Variants in ARB2A observed in about 807,000 individuals in gnomAD.
The protein encoded by ARB2A is ARB2 cotranscriptional regulator A, also known as cotranscriptional regulator ARB2A.
the ARB2A span, among the ~76,000 whole-genome samples, chr5:94,049,657 A>C: frequency 6.6e-6 from 1 of 151,634 alleles, no homozygotes; most frequent in Non-Finnish European, 1.5e-5. Flanking sequence ...ATCTCTACTA[A>C]AAGTACAAAA....
chr5:93,850,623 G>A, the ARB2A span, among the ~76,000 whole-genome samples: 1 of 152,124 alleles, frequency 6.6e-6, no homozygotes, highest in African/African-American at 2.4e-5. Context: ...ACATTACAGG[G>A]ATGTAATGGT....
At chr5:93,699,332 A>C in the ARB2A span, among the ~76,000 whole-genome samples, 1 of 152,222 alleles carries the variant, frequency 6.6e-6, no homozygotes, top group Non-Finnish European at 1.5e-5. Context: ...GGTACAGACT[A>C]TCTGAATAGT....
the ARB2A span, among the ~76,000 whole-genome samples, chr5:93,837,491 A>G: frequency 2.2e-3 from 339 of 152,250 alleles, no homozygotes; most frequent in African/African-American, 7.8e-3. Flanking sequence ...GGAATATAAT[A>G]CATTCCACCA....
the ARB2A span, among the ~76,000 whole-genome samples, chr5:93,895,133 A>G: frequency 1.3e-5 from 2 of 152,182 alleles, no homozygotes; most frequent in Non-Finnish European, 2.9e-5. Flanking sequence ...AAGAGCCTCA[A>G]GCAGTTGTCT....
the ARB2A span, among the ~76,000 whole-genome samples, chr5:93,765,994 G>C: frequency 6.6e-6 from 1 of 152,142 alleles, no homozygotes; most frequent in African/African-American, 2.4e-5. Context: ...TATGTAGAAA[G>C]CTGAAATTGG....
the ARB2A span, chr5:93,805,256 C>T: frequency 1.0e-6 from 1 of 984,848 alleles, no homozygotes; most frequent in South Asian, 4.7e-5. Context: ...ATTACTATTC[C>T]TATATTTGAA....
chr5:93,690,040 C>T, the ARB2A span, among the ~76,000 whole-genome samples: 8 of 152,250 alleles, frequency 5.3e-5, no homozygotes, highest in African/African-American at 1.9e-4. Flanking sequence ...TACACTTTTC[C>T]CATGGTCTTC....
the ARB2A span, among the ~76,000 whole-genome samples, chr5:93,667,302 A>G: frequency 6.6e-6 from 1 of 152,098 alleles, no homozygotes; most frequent in Non-Finnish European, 1.5e-5. Context: ...TAGTAGTTGT[A>G]GAAGTCAAAA....
the ARB2A span, among the ~76,000 whole-genome samples, chr5:94,052,756 C>A: frequency 6.6e-6 from 1 of 152,146 alleles, no homozygotes; most frequent in Non-Finnish European, 1.5e-5. Context: ...ACACTTTATT[C>A]TAAATAACAT....
At chr5:93,758,504 C>A in the ARB2A span, among the ~76,000 whole-genome samples, 1 of 152,078 alleles carries the variant, frequency 6.6e-6, no homozygotes, top group Non-Finnish European at 1.5e-5. Context: ...GGCCATAAAA[C>A]GAGCCTCAAT....
chr5:93,925,289 T>A, the ARB2A span, among the ~76,000 whole-genome samples: 1 of 152,192 alleles, frequency 6.6e-6, no homozygotes, highest in Non-Finnish European at 1.5e-5. Context: ...CACAGCATTG[T>A]ACGAGACTAT....
chr5:93,647,233 T>C, the ARB2A span, among the ~76,000 whole-genome samples: 2,035 of 152,236 alleles, frequency 0.013, 18 homozygotes, highest in Non-Finnish European at 0.018. Flanking sequence ...TCACATTTTT[T>C]CTTCCCCCCC....
chr5:94,068,862 C>CAAAAAA, the ARB2A span, among the ~76,000 whole-genome samples: 9 of 62,350 alleles, frequency 1.4e-4, no homozygotes, highest in African/African-American at 2.0e-4. Context: ...ACTAAAAATA[C>CAAAAAA]AAAAAAAAAA....
At chr5:93,901,222 T>G in the ARB2A span, among the ~76,000 whole-genome samples, 1 of 152,192 alleles carries the variant, frequency 6.6e-6, no homozygotes, top group South Asian at 2.1e-4. Context: ...ACAAAATTTT[T>G]TAAAATAATG....
At chr5:94,024,887 T>C in the ARB2A span, among the ~76,000 whole-genome samples, 21 of 152,128 alleles carry the variant, frequency 1.4e-4, no homozygotes, top group Non-Finnish European at 2.9e-4. Context: ...AGTAGGTTTA[T>C]ATAGCTCATG....
chr5:93,954,961 C>T, the ARB2A span, among the ~76,000 whole-genome samples: 1 of 152,064 alleles, frequency 6.6e-6, no homozygotes, highest in Non-Finnish European at 1.5e-5. Context: ...CAGAGTCCCA[C>T]AGTCACTGTG....
At chr5:93,885,003 T>A in the ARB2A span, among the ~76,000 whole-genome samples, 1 of 151,462 alleles carries the variant, frequency 6.6e-6, no homozygotes, top group African/African-American at 2.4e-5. Context: ...CATGTCAACA[T>A]CAATATATGG....
At chr5:94,094,355 G>A in the ARB2A span, among the ~76,000 whole-genome samples, 1 of 152,100 alleles carries the variant, frequency 6.6e-6, no homozygotes, top group Admixed American at 6.6e-5. Context: ...TGGCCTCTCT[G>A]GTGTCTCTTC....
the ARB2A span, among the ~76,000 whole-genome samples, chr5:94,094,911 G>T: frequency 3.3e-5 from 5 of 152,170 alleles, no homozygotes; most frequent in African/African-American, 1.2e-4. Context: ...CAGGAGCAAA[G>T]AAAAGGTGCA....
Sources: gnomAD v4.1 joint callset for allele counts (sites outside exome capture counted in the v4.1 genomes callset) on GRCh38, gnomAD v4.1.1 for gene constraint, MANE v1.5 for transcripts, NCBI Gene and HGNC (gene_info 2026-07-23, HGNC 2026-07-21) for gene names.